Variants in LMCD1 observed in about 807,000 individuals in gnomAD.
LMCD1 encodes LIM and cysteine-rich domains protein 1.
A neutral mutation model predicts 42.7 loss-of-function variants in LMCD1; 32 were observed. That is an observed-to-expected ratio of 0.75 (90% CI 0.57 to 1.01). LMCD1 has a LOEUF of 1.01. LMCD1 is among the 50% of genes least tolerant of loss of function. LMCD1 has a pLI of 0.00. For synonymous variants in LMCD1, 178 were observed against 184.9 expected (o/e 0.96, Z 0.30); for missense variants, 458 against 483.1 (o/e 0.95, Z 0.49).
At chr3:8,558,575 G>A (rs920826655) in intron 4 of LMCD1, among the ~76,000 whole-genome samples, 15 of 152,156 alleles carry the variant, frequency 9.9e-5, no homozygotes, top group Non-Finnish European at 1.8e-4. Flanking sequence ...AGATATTTGG[G>A]AACATGAACA....
At chr3:8,551,340 G>T (rs186970026) in intron 4 of LMCD1, 1 of 985,252 alleles carries the variant, frequency 1.0e-6, no homozygotes, top group Non-Finnish European at 1.2e-6. Context: ...CTAGGCGGAC[G>T]GTGCGATTCC....
intron 4 of LMCD1, among the ~76,000 whole-genome samples, chr3:8,554,201 A>G (rs1032620136): frequency 4.6e-5 from 7 of 152,062 alleles, no homozygotes; most frequent in Non-Finnish European, 1.0e-4. Context: ...CTTGGTAACA[A>G]CCAGTGAGAG....
chr3:8,521,694 A>G (rs1394747031), intron 1 of LMCD1, among the ~76,000 whole-genome samples: 3 of 152,244 alleles, frequency 2.0e-5, no homozygotes, highest in Non-Finnish European at 4.4e-5. Flanking sequence ...AGACAGAAGA[A>G]AAAGAAAAAG....
rs560483082 is a variant in LMCD1, at chr3:8,560,280, G to A, written c.724-5152G>A. ...TAAAATGTCTTAAAAAGAACCAGTC[G>A]TGGCTACCCATTGCCTCCAGAGTGA... On this transcript the variant is annotated intron_variant, in intron 4 of 5. Coordinates refer to ENST00000157600, the MANE Select transcript of LMCD1 (RefSeq NM_014583.4). 3.7e-4 allele frequency among the ~76,000 whole-genome samples: 57 copies of A among 152,202 alleles called. No homozygotes were observed. The South Asian group carries it at 0.011, about 28-fold the overall frequency.
Position 8,548,633 on chromosome 3 carries a change from T to C in LMCD1, c.453T>C (p.Phe151=). The C allele has an allele frequency of 6.2e-7, 1 of 1,614,136 alleles. No homozygotes were observed. Among genetic ancestry groups the C allele is most frequent in the Non-Finnish European group, 8.5e-7 (1 of 1,180,028 alleles). Residue 151 remains phenylalanine (F), a synonymous_variant, in exon 4 of 6, where the codon TTT becomes TTC. Transcript: ENST00000157600. ...CAGTGACAGGCACAGAGGGTGCCTTTTACCGCCGCCGCCAGCTCATGCACC... is the reference window on the plus strand; with the variant it reads ...CAGTGACAGGCACAGAGGGTGCCTTCTACCGCCGCCGCCAGCTCATGCACC... ...KQPVTGTEGA[F]YRRRQLMHQL... is the part of the protein sequence containing the mutation.
At chr3:8,504,385 G>A (rs141213856) in intron 1 of LMCD1, among the ~76,000 whole-genome samples, 1 of 152,320 alleles carries the variant, frequency 6.6e-6, no homozygotes, top group African/African-American at 2.4e-5. Flanking sequence ...TAGACATTTT[G>A]AAACAATTTC....
chr3:8,550,809 T>C lies in LMCD1; in HGVS notation c.723+1906T>C, dbSNP rs188780877. 192 of 985,316 alleles carry C rather than the reference T, an allele frequency of 1.9e-4. 1 individual carries two copies. The African/African-American group carries it at 2.4e-3, about 12-fold the overall frequency. The allele number at this position is 985,316 out of a possible 1,614,324, so 61.0% of individuals were successfully genotyped here. ...ATAAACCCTAAATACTAGATAATTC[T>C]AAGTTGGAAGGAGACCTCTAAGTCA... On this transcript the variant is annotated intron_variant, in intron 4 of 5. Transcript: ENST00000157600.
intron 1 of LMCD1, among the ~76,000 whole-genome samples, chr3:8,524,085 T>TA (rs978539209): frequency 1.4e-4 from 21 of 151,982 alleles, no homozygotes; most frequent in Non-Finnish European, 4.4e-5. Context: ...TCCTTTTTTT[T>TA]AAACTTTTAA....
At chr3:8,512,926 C>T (rs1694028772) in intron 1 of LMCD1, among the ~76,000 whole-genome samples, 1 of 152,126 alleles carries the variant, frequency 6.6e-6, no homozygotes, top group Non-Finnish European at 1.5e-5. Flanking sequence ...GGTACTATGG[C>T]CTTTCAAGTT....
intron 4 of LMCD1, among the ~76,000 whole-genome samples, chr3:8,561,594 C>A (rs1695038680): frequency 6.6e-6 from 1 of 152,176 alleles, no homozygotes. Flanking sequence ...GTAGAAAGAA[C>A]TTTGGCTTTG....
chr3:8,522,396 C>G (rs59003253), intron 1 of LMCD1, among the ~76,000 whole-genome samples: 5,923 of 152,206 alleles, frequency 0.039, 196 homozygotes, highest in African/African-American at 0.085. Flanking sequence ...CCCTGCGGAG[C>G]TGATAGGAGG....
At position 8,532,745 on chromosome 3, in the gene LMCD1, G is replaced by C. The variant is rs998917672; in HGVS notation, c.51G>C (p.Leu17=). The part of the protein sequence containing the change: ...DLNPGVKKMS[L]GQLQSARGVA... ...TTCTGTTCCTTTTCCAGATGTCCCT[G>C]GGCCAGCTGCAGTCAGCAAGAGGTG... Residue 17 remains leucine, a synonymous_variant, in exon 2 of 6, where the codon CTG becomes CTC. Coordinates refer to ENST00000157600, the MANE Select transcript of LMCD1 (RefSeq NM_014583.4). The C allele has an allele frequency of 1.9e-6, 3 of 1,613,926 alleles. No individual in the cohort carries two copies. Among genetic ancestry groups the C allele is most frequent in the African/African-American group, 1.3e-5 (1 of 75,018 alleles).
intron 1 of LMCD1, among the ~76,000 whole-genome samples, chr3:8,530,124 A>C (rs568781234): frequency 2.9e-4 from 44 of 152,240 alleles, no homozygotes; most frequent in African/African-American, 1.0e-3. Flanking sequence ...TGGCCTGTTA[A>C]AGGCTCGGGA....
chr3:8,505,996 CT>C (rs1396875698), intron 1 of LMCD1, among the ~76,000 whole-genome samples: 1 of 152,184 alleles, frequency 6.6e-6, no homozygotes, highest in Non-Finnish European at 1.5e-5. Flanking sequence ...GTATAAGCAA[CT>C]TTTTTGCCAT....
At position 8,519,917 on chromosome 3, in the gene LMCD1, T is replaced by TGTGTGTGTGA. The variant is rs145408793; in HGVS notation, c.43-12819_43-12818insTGTGTGTGAG. On this transcript the variant is annotated intron_variant, in intron 1 of 5. Transcript: ENST00000157600. ...TTCCATGTGCACACACGTGTGTGTG[T>TGTGTGTGTGA]GAGAGAGAGTGTGTGTGTGTGTGTG... is the stretch of plus-strand genomic sequence containing the variant. 2.2e-3 allele frequency among the ~76,000 whole-genome samples: 334 copies of TGTGTGTGTGA among 149,846 alleles called. 4 individuals carry two copies. The highest frequency in any genetic ancestry group is 0.021 in the Middle Eastern group (6 of 280).
At chr3:8,558,506 C>T (rs1362589188) in intron 4 of LMCD1, among the ~76,000 whole-genome samples, 1 of 152,204 alleles carries the variant, frequency 6.6e-6, no homozygotes, top group Non-Finnish European at 1.5e-5. Flanking sequence ...GGGAAATAGT[C>T]TGCAAACAAG....
Position 8,568,608 on chromosome 3 carries a change from T to C in LMCD1, c.*1010T>C, listed in dbSNP as rs1183970441. The C allele has an allele frequency of 6.6e-6, 1 of 152,212 alleles. No individual in the cohort carries two copies. Among genetic ancestry groups the C allele is most frequent in the Non-Finnish European group, 1.5e-5 (1 of 68,044 alleles). 9.4% of individuals were successfully genotyped at this position (152,212 alleles called of 1,614,324 possible). Reference sequence around the variant, plus strand: ...TTTCAATAAAAATTAATCTAAAATTTAACAATGCCACTTTTATGAGAAATC... The same window carrying C: ...TTTCAATAAAAATTAATCTAAAATTCAACAATGCCACTTTTATGAGAAATC... On this transcript the variant is annotated 3_prime_UTR_variant, in exon 6 of 6. Coordinates refer to ENST00000157600, the MANE Select transcript of LMCD1 (RefSeq NM_014583.4).
intron 1 of LMCD1, among the ~76,000 whole-genome samples, chr3:8,510,788 C>T (rs1693981183): frequency 6.6e-6 from 1 of 152,194 alleles, no homozygotes; most frequent in South Asian, 2.1e-4. Flanking sequence ...TTGATACTAT[C>T]TCAGTAATAT....
chr3:8,563,667 A>AGAT (rs780268563), intron 4 of LMCD1, among the ~76,000 whole-genome samples: 4 of 152,184 alleles, frequency 2.6e-5, no homozygotes, highest in Non-Finnish European at 5.9e-5. Flanking sequence ...GCCCTGGAGG[A>AGAT]GATGGAGCAC....
Sources: gnomAD v4.1 joint callset for allele counts (sites outside exome capture counted in the v4.1 genomes callset) on GRCh38, gnomAD v4.1.1 for gene constraint, MANE v1.5 for transcripts, NCBI Gene and HGNC (gene_info 2026-07-23, HGNC 2026-07-21) for gene names.